Variants in PDE12 observed in about 807,000 individuals in gnomAD.
PDE12 encodes phosphodiesterase 12.
In PDE12, 26 loss-of-function variants were observed where a neutral mutation model predicts 45.4. The observed-to-expected ratio is 0.57, with a 90% confidence interval of 0.42 to 0.79. The LOEUF is 0.79. Ranked by LOEUF, PDE12 falls within the 30% of genes least tolerant of loss-of-function variation. The pLI is 0.00. For synonymous variants in PDE12, 283 were observed against 323.9 expected, an observed-to-expected ratio of 0.87 and a Z score of 1.36; for missense variants, 668 against 790.0, an observed-to-expected ratio of 0.85 and a Z score of 1.85.
At chr3:57,631,178 C>T in the PDE12 span, 1 of 557,040 alleles carries the variant, frequency 1.8e-6, no homozygotes, top group Non-Finnish European at 3.2e-6. Context: ...TCAACTAAAT[C>T]TTAGATAAAC....
chr3:57,611,155 G>A, the PDE12 span, among the ~76,000 whole-genome samples: 1 of 152,110 alleles, frequency 6.6e-6, no homozygotes, highest in Non-Finnish European at 1.5e-5. Flanking sequence ...TTTAATAAAT[G>A]GTGCTGGGAA....
At chr3:57,588,019 G>C in the PDE12 span, among the ~76,000 whole-genome samples, 1 of 152,114 alleles carries the variant, frequency 6.6e-6, no homozygotes, top group Non-Finnish European at 1.5e-5. Flanking sequence ...CAACAATTTT[G>C]AGCCACTTCA....
At position 57,566,548 on chromosome 3, in the gene PDE12, C is replaced by G. The variant is rs777092389; in HGVS notation, c.*6544C>G. ...ACCTTTTGAGGAACTGCCAGACTTA[C>G]GGAAAGCAGTTGCACTATTTTGCAT... On this transcript the variant is annotated 3_prime_UTR_variant, in exon 3 of 3. Coordinates refer to ENST00000311180, the MANE Select transcript of PDE12 (RefSeq NM_177966.7). The G allele has an allele frequency of 6.6e-6, 1 of 152,142 alleles. No individual in the cohort carries two copies. Among genetic ancestry groups the G allele is most frequent in the Non-Finnish European group, 1.5e-5 (1 of 68,024 alleles). 9.4% of individuals were successfully genotyped at this position (152,142 alleles called of 1,614,324 possible). A position where few individuals can be genotyped will look rare whatever the true frequency, so the allele number is the denominator to read the frequency against.
At chr3:57,631,485 C>T in the PDE12 span, among the ~76,000 whole-genome samples, 3 of 152,042 alleles carry the variant, frequency 2.0e-5, no homozygotes, top group South Asian at 6.2e-4. Flanking sequence ...TGAACTACCG[C>T]GCCCAACAAC....
At chr3:57,605,288 C>A in the PDE12 span, among the ~76,000 whole-genome samples, 2 of 152,096 alleles carry the variant, frequency 1.3e-5, no homozygotes, top group Non-Finnish European at 2.9e-5. Flanking sequence ...GAGAGAGCTG[C>A]AGAAGTTTCC....
chr3:57,650,864 A>G, the PDE12 span, among the ~76,000 whole-genome samples: 2 of 150,664 alleles, frequency 1.3e-5, no homozygotes, highest in African/African-American at 4.9e-5. Context: ...GGCTCACCAC[A>G]ACCTCCGCCT....
At chr3:57,600,488 C>T in the PDE12 span, among the ~76,000 whole-genome samples, 1 of 150,268 alleles carries the variant, frequency 6.7e-6, no homozygotes, top group Non-Finnish European at 1.5e-5. Context: ...CTCTCCCTTC[C>T]CCTCCCCTCC....
chr3:57,646,359 G>A, the PDE12 span: 1 of 1,614,002 alleles, frequency 6.2e-7, no homozygotes, highest in Admixed American at 1.7e-5. Context: ...GATGGTGATG[G>A]CGCCATAACC....
At chr3:57,570,237 TTTG>T (rs1484229852), downstream of PDE12, among the ~76,000 whole-genome samples, 166 of 147,824 alleles carry the variant, frequency 1.1e-3, 1 homozygote, top group Non-Finnish European at 2.0e-3. Context: ...TTTTTTTTTT[TTTG>T]GAGACAGAGT....
chr3:57,652,190 A>C, the PDE12 span, among the ~76,000 whole-genome samples: 1 of 152,250 alleles, frequency 6.6e-6, no homozygotes, highest in Non-Finnish European at 1.5e-5. Flanking sequence ...GGTAGAAATG[A>C]CAATGTACAA....
the PDE12 span, among the ~76,000 whole-genome samples, chr3:57,623,961 A>T: frequency 6.6e-6 from 1 of 152,164 alleles, no homozygotes; most frequent in Non-Finnish European, 1.5e-5. Context: ...CATGATTATC[A>T]AACAACAAAA....
At chr3:57,643,814 G>A in the PDE12 span, among the ~76,000 whole-genome samples, 3 of 145,620 alleles carry the variant, frequency 2.1e-5, no homozygotes, top group Non-Finnish European at 3.0e-5. Flanking sequence ...GCAACAGAGC[G>A]AGACTCTGTC....
the PDE12 span, among the ~76,000 whole-genome samples, chr3:57,583,116 T>C: frequency 6.6e-6 from 1 of 152,214 alleles, no homozygotes; most frequent in Non-Finnish European, 1.5e-5. Flanking sequence ...ATGTCAATAG[T>C]GCTGTGCTGT....
the PDE12 span, among the ~76,000 whole-genome samples, chr3:57,642,313 CAAAAAA>C: frequency 5.9e-5 from 4 of 67,532 alleles, no homozygotes; most frequent in South Asian, 2.3e-3. Context: ...GACTCTGTCT[CAAAAAA>C]AAAAAAAAAA....
chr3:57,620,006 G>A, the PDE12 span, among the ~76,000 whole-genome samples: 2 of 151,784 alleles, frequency 1.3e-5, no homozygotes, highest in South Asian at 2.1e-4. Flanking sequence ...GATGGATCAC[G>A]AGGTCAGGAG....
chr3:57,654,919 GCA>G, the PDE12 span: 1 of 439,990 alleles, frequency 2.3e-6, no homozygotes, highest in South Asian at 9.7e-5. Context: ...GAAACAAAAA[GCA>G]CAGTCACAAA....
the PDE12 span, among the ~76,000 whole-genome samples, chr3:57,574,872 G>A: frequency 1.4e-5 from 2 of 145,312 alleles, no homozygotes; most frequent in Non-Finnish European, 1.5e-5. Context: ...TTTTGAGACC[G>A]AGTTTCGCTC....
the PDE12 span, among the ~76,000 whole-genome samples, chr3:57,574,886 T>C: frequency 1.3e-5 from 2 of 148,224 alleles, no homozygotes; most frequent in Non-Finnish European, 3.0e-5. Flanking sequence ...TTCGCTCTTG[T>C]TGCCCAGGCT....
chr3:57,605,210 G>T, the PDE12 span, among the ~76,000 whole-genome samples: 1 of 152,132 alleles, frequency 6.6e-6, no homozygotes, highest in Admixed American at 6.6e-5. Context: ...TGGAGTCTTT[G>T]AGCCGAGAGT....
Sources: gnomAD v4.1 joint callset for allele counts (sites outside exome capture counted in the v4.1 genomes callset) on GRCh38, gnomAD v4.1.1 for gene constraint, MANE v1.5 for transcripts, NCBI Gene and HGNC (gene_info 2026-07-23, HGNC 2026-07-21) for gene names.